HDAC8: variants seen among roughly 807,000 people sequenced by gnomAD.
HDAC8 encodes histone deacetylase 8.
A neutral mutation model predicts 32.2 loss-of-function variants in HDAC8; 1 was observed. The ratio of observed to expected loss-of-function variants is 0.03; its 90% CI spans 0.01 to 0.15. The LOEUF is 0.15. HDAC8 is among the 10% of genes least tolerant of loss of function. The probability of loss-of-function intolerance (pLI) is 1.00; values close to 1 mark genes in which losing one functional copy is unlikely to be tolerated. For missense variants in HDAC8, 117 were observed against 300.0 expected, an observed-to-expected ratio of 0.39 and a Z score of 4.51; for synonymous variants, 108 against 113.9, an observed-to-expected ratio of 0.95 and a Z score of 0.33.
intron 9 of HDAC8, among the ~76,000 whole-genome samples, chrX:72,424,539 TTTC>T (rs781783659): frequency 9.7e-4 from 109 of 111,958 alleles, no homozygotes; most frequent in African/African-American, 3.4e-3. Context: ...TTCTTAGAGA[TTTC>T]TTCATCTATA....
At chrX:72,532,249 A>ATTTTT (rs34829256) in intron 4 of HDAC8, among the ~76,000 whole-genome samples, 318 of 54,126 alleles carry the variant, frequency 5.9e-3, no homozygotes, top group Non-Finnish European at 6.5e-3. Context: ...CGTGTTGGGC[A>ATTTTT]TTTTTTTTTT....
At chrX:72,392,292 C>G (rs1166638830) in intron 9 of HDAC8, among the ~76,000 whole-genome samples, 1 of 111,981 alleles carries the variant, frequency 8.9e-6, no homozygotes, top group African/African-American at 3.2e-5. Context: ...CCAGGTGGCA[C>G]AAATGTCTCA....
At chrX:72,555,364 A>G (rs1395362937) in intron 4 of HDAC8, among the ~76,000 whole-genome samples, 1 of 112,109 alleles carries the variant, frequency 8.9e-6, no homozygotes, top group Non-Finnish European at 1.9e-5. Flanking sequence ...CCAAAAGATC[A>G]TACCAGCTCA....
At chrX:72,361,335 C>T (rs1479114933) in intron 9 of HDAC8, among the ~76,000 whole-genome samples, 3 of 111,332 alleles carry the variant, frequency 2.7e-5, no homozygotes, top group African/African-American at 9.8e-5. Context: ...GTTTATTAAG[C>T]AAAATAATCA....
At chrX:72,354,852 G>A (rs1374577827) in intron 9 of HDAC8, among the ~76,000 whole-genome samples, 1 of 111,586 alleles carries the variant, frequency 9.0e-6, no homozygotes. Context: ...GCTGTTAGGA[G>A]CCAATGAGAT....
intron 9 of HDAC8, among the ~76,000 whole-genome samples, chrX:72,355,551 T>G (rs1336771168): frequency 9.0e-6 from 1 of 111,242 alleles, no homozygotes; most frequent in African/African-American, 3.3e-5. Context: ...AAGTGAAAGG[T>G]AGTGGCTATT....
intron 7 of HDAC8, among the ~76,000 whole-genome samples, chrX:72,483,036 T>C (rs1411013349): frequency 1.8e-5 from 2 of 111,569 alleles, no homozygotes; most frequent in Non-Finnish European, 3.8e-5. Flanking sequence ...GTACCAGTCA[T>C]AGAGGAGACA....
At chrX:72,564,670 C>A (rs1305336498) in intron 4 of HDAC8, among the ~76,000 whole-genome samples, 3 of 111,557 alleles carry the variant, frequency 2.7e-5, no homozygotes, top group Non-Finnish European at 3.8e-5. Flanking sequence ...ACTCAACAGA[C>A]CTTTCAACTC....
chrX:72,445,593 T>C (rs782775546), intron 9 of HDAC8, among the ~76,000 whole-genome samples: 1 of 112,042 alleles, frequency 8.9e-6, no homozygotes, highest in Non-Finnish European at 1.9e-5. Flanking sequence ...GAGGAAAACC[T>C]AGGCATTACC....
intron 2 of HDAC8, among the ~76,000 whole-genome samples, chrX:72,570,606 CAA>C (rs200815195): frequency 1.1e-3 from 52 of 48,037 alleles, no homozygotes; most frequent in Admixed American, 1.3e-3. Flanking sequence ...AAGACTCCAT[CAA>C]AAAAAAAAAA....
At chrX:72,393,690 A>C (rs1036476478) in intron 9 of HDAC8, among the ~76,000 whole-genome samples, 1 of 110,671 alleles carries the variant, frequency 9.0e-6, no homozygotes, top group Non-Finnish European at 1.9e-5. Context: ...GAGGATGGGG[A>C]GGGAAGGAAT....
intron 7 of HDAC8, among the ~76,000 whole-genome samples, chrX:72,472,641 T>C (rs1204027846): frequency 8.9e-6 from 1 of 112,006 alleles, no homozygotes. Flanking sequence ...TCGAGATTGC[T>C]TTTGCTATTC....
chrX:72,450,918 T>C (rs1163200649), intron 9 of HDAC8, among the ~76,000 whole-genome samples: 1 of 111,712 alleles, frequency 9.0e-6, no homozygotes, highest in African/African-American at 3.3e-5. Flanking sequence ...TCTGAAATGT[T>C]CTAAAATATG....
chrX:72,480,368 G>A (rs2048460201), intron 7 of HDAC8: 1 of 330,553 alleles, frequency 3.0e-6, no homozygotes, highest in Non-Finnish European at 5.9e-6. Flanking sequence ...AATGGGGAAT[G>A]TATTAGCTTG....
intron 4 of HDAC8, among the ~76,000 whole-genome samples, chrX:72,548,857 A>G (rs2050961412): frequency 9.0e-6 from 1 of 111,375 alleles, no homozygotes; most frequent in Admixed American, 9.5e-5. Flanking sequence ...CTTTGTAGAG[A>G]TGGAGTCTCA....
intron 9 of HDAC8, among the ~76,000 whole-genome samples, chrX:72,379,070 C>T (rs1161874686): frequency 9.0e-6 from 1 of 111,291 alleles, no homozygotes; most frequent in African/African-American, 3.3e-5. Flanking sequence ...GTTGGCCAGG[C>T]TGGTTTTGAA....
chrX:72,405,845 G>T (rs906252667), intron 9 of HDAC8, among the ~76,000 whole-genome samples: 4 of 111,439 alleles, frequency 3.6e-5, no homozygotes, highest in Admixed American at 9.5e-5. Context: ...AAGCTTCATT[G>T]AGGTTTTTAA....
intron 9 of HDAC8, among the ~76,000 whole-genome samples, chrX:72,372,875 G>A (rs1555956879): frequency 1.8e-5 from 2 of 111,509 alleles, no homozygotes; most frequent in African/African-American, 6.5e-5. Context: ...AGTAAATACT[G>A]TATAAGGATT....
chrX:72,517,191 T>C (rs942221146), intron 4 of HDAC8, among the ~76,000 whole-genome samples: 2 of 112,424 alleles, frequency 1.8e-5, no homozygotes, highest in African/African-American at 6.5e-5. Flanking sequence ...ATGTTGAGCA[T>C]CTTTTCAAGT....
Sources: allele counts gnomAD v4.1 joint callset (sites outside exome capture counted in the v4.1 genomes callset), GRCh38; gene constraint gnomAD v4.1.1; transcripts MANE v1.5; gene names NCBI Gene and HGNC (gene_info 2026-07-23, HGNC 2026-07-21).